The following CCBE1 variants were observed in gnomAD, a reference collection of about 807,000 sequenced individuals.
CCBE1 encodes collagen and calcium binding EGF domains 1, also known as collagen and calcium-binding EGF domain-containing protein 1.
A neutral mutation model predicts 50.0 loss-of-function variants in CCBE1; 37 were observed. The ratio of observed to expected loss-of-function variants is 0.74; its 90% CI spans 0.57 to 0.97. CCBE1 has a LOEUF of 0.97. Among genes scored for constraint, CCBE1 ranks in the 50% least tolerant of loss-of-function variants. CCBE1 has a pLI of 0.00. For synonymous variants in CCBE1, 234 were observed against 203.7 expected, an observed-to-expected ratio of 1.15 and a Z score of -1.27; for missense variants, 538 against 523.8, an observed-to-expected ratio of 1.03 and a Z score of -0.26.
At chr18:59,581,661 C>T (rs1156808084) in intron 2 of CCBE1, among the ~76,000 whole-genome samples, 1 of 152,032 alleles carries the variant, frequency 6.6e-6, no homozygotes, top group Non-Finnish European at 1.5e-5. Flanking sequence ...CCAAATACAC[C>T]AACCACTACA....
Position 59,625,549 on chromosome 18 carries a change from A to C in CCBE1, c.212+71080T>G, listed in dbSNP as rs543160056. ...TAGAGAAAAATTAAAAGCAAGCAGCAAACTGAGATCTTTAAAATATAATCA... is the reference window on the plus strand; with the variant it reads ...TAGAGAAAAATTAAAAGCAAGCAGCCAACTGAGATCTTTAAAATATAATCA... On this transcript the variant is annotated intron_variant, in intron 2 of 10. Coordinates refer to ENST00000439986, the MANE Select transcript of CCBE1 (RefSeq NM_133459.4). 4.3e-4 allele frequency among the ~76,000 whole-genome samples: 66 copies of C among 152,324 alleles called. 2 individuals carry two copies. Among genetic ancestry groups the C allele is most frequent in the African/African-American group, 1.5e-3 (64 of 41,578 alleles).
chr18:59,566,135 C>T (rs1243698563), intron 2 of CCBE1, among the ~76,000 whole-genome samples: 2 of 152,188 alleles, frequency 1.3e-5, no homozygotes, highest in Non-Finnish European at 1.5e-5. Flanking sequence ...TACCAGGGTG[C>T]CCCGCAGGCA....
chr18:59,589,754 G>A (rs1447232981), intron 2 of CCBE1, among the ~76,000 whole-genome samples: 1 of 136,814 alleles, frequency 7.3e-6, no homozygotes, highest in Admixed American at 8.0e-5. Context: ...AGCCGAGATT[G>A]CGCCACTGCC....
At chr18:59,643,610 C>T (rs1205129896) in intron 2 of CCBE1, among the ~76,000 whole-genome samples, 2 of 152,182 alleles carry the variant, frequency 1.3e-5, no homozygotes, top group Non-Finnish European at 2.9e-5. Flanking sequence ...GCCTGGCCAA[C>T]ATGGCAAAAC....
Position 59,629,822 on chromosome 18 carries a change from C to T in CCBE1, c.212+66807G>A, listed in dbSNP as rs192851184. ...CTTGTCGGGGGAAGGTGGGCCGGTGCCTTCAGGGGGAGGTAGCAGGCGAGC... is the reference window on the plus strand; with the variant it reads ...CTTGTCGGGGGAAGGTGGGCCGGTGTCTTCAGGGGGAGGTAGCAGGCGAGC... On this transcript the variant is annotated intron_variant, in intron 2 of 10. Coordinates refer to ENST00000439986, the MANE Select transcript of CCBE1 (RefSeq NM_133459.4). 3.9e-4 allele frequency among the ~76,000 whole-genome samples: 60 copies of T among 152,212 alleles called. No homozygotes were observed. The East Asian group carries it at 0.011, about 27-fold the overall frequency.
chr18:59,483,670 G>A (rs1257614698), intron 2 of CCBE1, among the ~76,000 whole-genome samples: 1 of 152,090 alleles, frequency 6.6e-6, no homozygotes, highest in East Asian at 1.9e-4. Context: ...GTCAAATTTG[G>A]TAACAGAAAT....
intron 2 of CCBE1, among the ~76,000 whole-genome samples, chr18:59,635,857 TA>T (rs1271006446): frequency 6.6e-6 from 1 of 152,124 alleles, no homozygotes. Flanking sequence ...GAAAAGAGAT[TA>T]GATTTTAGAA....
chr18:59,641,982 T>C (rs1213993287), intron 2 of CCBE1, among the ~76,000 whole-genome samples: 2 of 151,976 alleles, frequency 1.3e-5, no homozygotes, highest in Non-Finnish European at 2.9e-5. Context: ...TACAAAACTT[T>C]AGGAGAGAAT....
intron 2 of CCBE1, among the ~76,000 whole-genome samples, chr18:59,694,309 T>C (rs1310740349): frequency 1.3e-5 from 2 of 152,196 alleles, no homozygotes; most frequent in East Asian, 3.8e-4. Flanking sequence ...CATTCCATCA[T>C]CAGTAATGCT....
chr18:59,686,735 A>G (rs1382361680), intron 2 of CCBE1, among the ~76,000 whole-genome samples: 10 of 152,308 alleles, frequency 6.6e-5, no homozygotes, highest in South Asian at 6.2e-4. Context: ...TGTTTCAGAT[A>G]TAAGTTGTTG....
intron 2 of CCBE1, among the ~76,000 whole-genome samples, chr18:59,489,564 C>T (rs2143800984): frequency 6.6e-6 from 1 of 152,224 alleles, no homozygotes; most frequent in East Asian, 1.9e-4. Flanking sequence ...CTGGGATGTG[C>T]CACCATACCC....
chr18:59,610,703 T>A (rs2053557017), intron 2 of CCBE1, among the ~76,000 whole-genome samples: 1 of 152,188 alleles, frequency 6.6e-6, no homozygotes, highest in Admixed American at 6.5e-5. Context: ...CTAAGTGGGC[T>A]CCAGAGTTCA....
rs868726557 is a variant in CCBE1, at chr18:59,568,227, C to T, written c.213-87989G>A. Reference sequence around the variant, plus strand: ...TGCCCTGTTGTAACAATGCTGTCTTCTCACAAACTACTCATGTGCCCTATA... The same window carrying T: ...TGCCCTGTTGTAACAATGCTGTCTTTTCACAAACTACTCATGTGCCCTATA... On this transcript the variant is annotated intron_variant, in intron 2 of 10. Transcript: ENST00000439986. The T allele has an allele frequency of 7.1e-4, 107 of 150,422 alleles. 1 individual carries two copies. The highest frequency in any genetic ancestry group is 2.5e-3 in the African/African-American group (100 of 40,760). The allele number at this position is 150,422 out of a possible 1,614,324, so 9.3% of individuals were successfully genotyped here.
intron 2 of CCBE1, among the ~76,000 whole-genome samples, chr18:59,674,062 C>T (rs747464012): frequency 5.9e-5 from 9 of 152,106 alleles, no homozygotes; most frequent in African/African-American, 1.7e-4. Flanking sequence ...GCTATGAATC[C>T]GTCTGGTCCC....
At chr18:59,438,223 C>G (rs1423871013) in intron 9 of CCBE1, 77 bp from the exon 10 acceptor site, 3 of 1,244,624 alleles carry the variant, frequency 2.4e-6, no homozygotes, top group South Asian at 1.2e-5. Flanking sequence ...ATACACCCAC[C>G]ATAACCACTT....
chr18:59,567,109 A>AT (rs1294108172), intron 2 of CCBE1, among the ~76,000 whole-genome samples: 1 of 151,772 alleles, frequency 6.6e-6, no homozygotes, highest in Non-Finnish European at 1.5e-5. Flanking sequence ...TTTTAAACGC[A>AT]TTTTTTCTTT....
At chr18:59,676,441 T>G (rs925569448) in intron 2 of CCBE1, among the ~76,000 whole-genome samples, 2 of 152,226 alleles carry the variant, frequency 1.3e-5, no homozygotes, top group African/African-American at 4.8e-5. Context: ...GTTTATCTTT[T>G]TCCTTTTCTC....
intron 2 of CCBE1, among the ~76,000 whole-genome samples, chr18:59,558,499 A>G (rs535871916): frequency 6.6e-6 from 1 of 152,352 alleles, no homozygotes; most frequent in African/African-American, 2.4e-5. Flanking sequence ...GCACATGTGT[A>G]TAACTCCACT....
chr18:59,663,108 T>C (rs2054306849), intron 2 of CCBE1, among the ~76,000 whole-genome samples: 1 of 59,060 alleles, frequency 1.7e-5, no homozygotes, highest in African/African-American at 9.5e-5. Flanking sequence ...GGCTTGGTGC[T>C]AGGGATAGGG....
Sources: allele counts gnomAD v4.1 joint callset (sites outside exome capture counted in the v4.1 genomes callset), GRCh38; gene constraint gnomAD v4.1.1; transcripts MANE v1.5; gene names NCBI Gene and HGNC (gene_info 2026-07-23, HGNC 2026-07-21).